Variants in ARB2A observed in about 807,000 individuals in gnomAD.
ARB2A encodes the protein cotranscriptional regulator ARB2A.
chr5:94,040,119 C>A, the ARB2A span, among the ~76,000 whole-genome samples: 1 of 152,234 alleles, frequency 6.6e-6, no homozygotes, highest in East Asian at 1.9e-4. Flanking sequence ...GGGTTAGAGG[C>A]CCCTCTTGGT....
chr5:93,670,135 A>G, the ARB2A span, among the ~76,000 whole-genome samples: 1 of 152,006 alleles, frequency 6.6e-6, no homozygotes, highest in Non-Finnish European at 1.5e-5. Flanking sequence ...ACTTCTTCCC[A>G]TCTCCAACTC....
the ARB2A span, among the ~76,000 whole-genome samples, chr5:93,992,939 A>T: frequency 6.6e-6 from 1 of 152,064 alleles, no homozygotes; most frequent in African/African-American, 2.4e-5. Flanking sequence ...TCCAGAAAAG[A>T]CCTAACAGGA....
chr5:94,036,029 G>C, the ARB2A span, among the ~76,000 whole-genome samples: 3 of 151,670 alleles, frequency 2.0e-5, no homozygotes, highest in South Asian at 6.2e-4. Context: ...AAAAAAAACA[G>C]TAAAACCACT....
chr5:93,907,617 C>T, the ARB2A span, among the ~76,000 whole-genome samples: 7 of 151,346 alleles, frequency 4.6e-5, no homozygotes, highest in Admixed American at 4.6e-4. Flanking sequence ...AGATAAAATA[C>T]TGTCATTTAT....
chr5:93,873,661 G>C, the ARB2A span, among the ~76,000 whole-genome samples: 1 of 152,272 alleles, frequency 6.6e-6, no homozygotes, highest in South Asian at 2.1e-4. Flanking sequence ...TTGGTGAACA[G>C]TTAATGATTA....
the ARB2A span, among the ~76,000 whole-genome samples, chr5:93,696,132 T>C: frequency 7.9e-5 from 12 of 152,126 alleles, no homozygotes; most frequent in Non-Finnish European, 1.3e-4. Context: ...CGTGTATACC[T>C]ATGTAACAAA....
chr5:93,894,100 A>G, the ARB2A span, among the ~76,000 whole-genome samples: 71 of 152,288 alleles, frequency 4.7e-4, no homozygotes, highest in African/African-American at 1.6e-3. Context: ...TCAATTAGCT[A>G]AATTATTTTT....
chr5:93,704,681 A>G, the ARB2A span, among the ~76,000 whole-genome samples: 1 of 152,236 alleles, frequency 6.6e-6, no homozygotes, highest in Non-Finnish European at 1.5e-5. Flanking sequence ...TCTGCAGTGG[A>G]AAGCCTGACT....
chr5:93,865,991 A>G, the ARB2A span: 1 of 985,428 alleles, frequency 1.0e-6, no homozygotes, highest in South Asian at 4.7e-5. Flanking sequence ...TCCCCTTAAG[A>G]GTTATGCAAC....
At chr5:93,979,878 C>T in the ARB2A span, among the ~76,000 whole-genome samples, 1 of 152,084 alleles carries the variant, frequency 6.6e-6, no homozygotes, top group Non-Finnish European at 1.5e-5. Flanking sequence ...AGAGTTTTAA[C>T]ATGAATACTT....
At chr5:93,906,569 G>T in the ARB2A span, among the ~76,000 whole-genome samples, 1 of 151,424 alleles carries the variant, frequency 6.6e-6, no homozygotes, top group Non-Finnish European at 1.5e-5. Context: ...TAAAACATTT[G>T]TTTTTATCCT....
the ARB2A span, among the ~76,000 whole-genome samples, chr5:93,753,757 C>A: frequency 1.3e-5 from 2 of 152,118 alleles, no homozygotes; most frequent in Non-Finnish European, 2.9e-5. Flanking sequence ...CCTGTCTAAG[C>A]TATAGTAGGG....
the ARB2A span, among the ~76,000 whole-genome samples, chr5:93,772,524 G>A: frequency 6.6e-6 from 1 of 152,264 alleles, no homozygotes; most frequent in South Asian, 2.1e-4. Context: ...CTACTGCTGT[G>A]GAACAAATAA....
At chr5:93,891,133 T>A in the ARB2A span, among the ~76,000 whole-genome samples, 5 of 152,148 alleles carry the variant, frequency 3.3e-5, no homozygotes, top group Non-Finnish European at 7.4e-5. Context: ...CTTATAAGAT[T>A]TACCGTGAAA....
chr5:93,762,734 C>A, the ARB2A span, among the ~76,000 whole-genome samples: 2 of 152,050 alleles, frequency 1.3e-5, no homozygotes, highest in African/African-American at 4.8e-5. Flanking sequence ...AGAGCAACTC[C>A]AAGACACATA....
At chr5:93,958,878 C>T in the ARB2A span, 1 of 1,609,650 alleles carries the variant, frequency 6.2e-7, no homozygotes, top group Admixed American at 1.7e-5. Context: ...ACACCACTAC[C>T]ATGAATTAAA....
the ARB2A span, among the ~76,000 whole-genome samples, chr5:94,102,658 C>T: frequency 6.6e-6 from 1 of 152,034 alleles, no homozygotes; most frequent in Admixed American, 6.6e-5. Flanking sequence ...AATTCAGAAA[C>T]TGCAGAGAAC....
the ARB2A span, among the ~76,000 whole-genome samples, chr5:93,803,558 T>G: frequency 2.4e-5 from 3 of 126,026 alleles, no homozygotes; most frequent in Admixed American, 8.1e-5. Flanking sequence ...TATTGGAGGG[T>G]GGAGGGTGGA....
At chr5:93,738,991 A>G in the ARB2A span, 8 of 152,234 alleles carry the variant, frequency 5.3e-5, no homozygotes, top group African/African-American at 1.9e-4. Flanking sequence ...CTACAGTCTC[A>G]TGAAGAAAAG....
Sources: allele counts gnomAD v4.1 joint callset (sites outside exome capture counted in the v4.1 genomes callset), GRCh38; gene constraint gnomAD v4.1.1; transcripts MANE v1.5; gene names NCBI Gene and HGNC (gene_info 2026-07-23, HGNC 2026-07-21).